FAM234A: variants seen among roughly 807,000 people sequenced by gnomAD.
The protein encoded by FAM234A is protein FAM234A.
Under a neutral mutation model 49.1 loss-of-function variants are expected in FAM234A, and 42 were observed. The observed-to-expected ratio is 0.86, with a 90% CI of 0.67 to 1.11. The LOEUF is 1.11. Ranked by LOEUF, FAM234A falls within the 50% of genes least tolerant of loss-of-function variation. The pLI is 0.00. For missense variants in FAM234A, 815 were observed against 745.2 expected, an observed-to-expected ratio of 1.09 and a Z score of -1.09; for synonymous variants, 369 against 316.2, an observed-to-expected ratio of 1.17 and a Z score of -1.77.
chr16:268,586 A>C, downstream of FAM234A: 2 of 618,186 alleles, frequency 3.2e-6, no homozygotes, highest in Non-Finnish European at 5.7e-6. Flanking sequence ...GGGCCTCGTC[A>C]GTGGGGTGAC....
intron 1 of FAM234A, among the ~76,000 whole-genome samples, chr16:240,694 G>T (rs1450159038): frequency 6.6e-6 from 1 of 151,976 alleles, no homozygotes; most frequent in Non-Finnish European, 1.5e-5. Context: ...TAGAGATGGG[G>T]TTTCACAATG....
chr16:269,447 G>A, downstream of FAM234A: 1 of 1,596,712 alleles, frequency 6.3e-7, no homozygotes, highest in Non-Finnish European at 8.6e-7. Flanking sequence ...CTCACTGCAG[G>A]GCCCCAGCAG....
rs982417288 is a variant in FAM234A, at chr16:263,417, C to G, written c.1112+15C>G. The G allele has an allele frequency of 5.0e-6, 8 of 1,605,838 alleles. No individual in the cohort carries two copies. The highest frequency in any genetic ancestry group is 6.8e-6 in the Non-Finnish European group (8 of 1,179,826). ...CATGTCCTGAGGTACAGGGTTTCCC[C>G]AAGGACCGCGCAGGTGCTGCACCCC... On this transcript the variant is annotated intron_variant, in intron 9 of 12. Transcript: ENST00000399932.
chr16:263,476 C>A, intron 9 of FAM234A, 74 bp downstream of exon 9: 1 of 1,573,512 alleles, frequency 6.4e-7, no homozygotes. Context: ...CGTTGGCTGG[C>A]GAGGAGACAG....
chr16:239,867 G>T (rs1353237790), intron 1 of FAM234A, among the ~76,000 whole-genome samples: 3 of 152,182 alleles, frequency 2.0e-5, no homozygotes, highest in Non-Finnish European at 2.9e-5. Flanking sequence ...AGTGCTGACT[G>T]CATGTGCTGT....
intron 3 of FAM234A, among the ~76,000 whole-genome samples, chr16:258,586 C>A (rs908649250): frequency 6.6e-6 from 1 of 152,236 alleles, no homozygotes; most frequent in Non-Finnish European, 1.5e-5. Context: ...CATCCGATTT[C>A]TCAATCTTTT....
At chr16:268,054 TAC>T (rs768506062), downstream of FAM234A, among the ~76,000 whole-genome samples, 4 of 138,962 alleles carry the variant, frequency 2.9e-5, no homozygotes, top group South Asian at 6.8e-4. Context: ...ACACGGGTGC[TAC>T]ACACAATCAC....
Position 264,078 on chromosome 16 carries a change from T to TG in FAM234A, c.1256dup (p.Pro420SerfsTer63). Reference sequence around the variant, plus strand: ...GTAGCCTAGCCCTCCCGAGCCTCCCTGGGGGTCCACTGTCCGCCAGCCTGC... The same window carrying TG: ...GTAGCCTAGCCCTCCCGAGCCTCCCTGGGGGGTCCACTGTCCGCCAGCCTGC... On this transcript the variant is annotated frameshift_variant, in exon 11 of 13. Transcript: ENST00000399932. LOFTEE classifies it high-confidence loss of function. 6.2e-7 allele frequency: 1 copy of TG among 1,612,854 alleles called. No homozygotes were observed. The highest frequency in any genetic ancestry group is 8.5e-7 in the Non-Finnish European group (1 of 1,179,942).
Position 265,327 on chromosome 16 carries a change from C to T in FAM234A, c.*305C>T, listed in dbSNP as rs2051655828. 2.5e-6 allele frequency: 3 copies of T among 1,184,834 alleles called. No individual in the cohort carries two copies. The highest frequency in any genetic ancestry group is 3.1e-6 in the Non-Finnish European group (3 of 953,576). The allele number at this position is 1,184,834 out of a possible 1,614,324, so 73.4% of individuals were successfully genotyped here. A position where few individuals can be genotyped will look rare whatever the true frequency, so the allele number is the denominator to read the frequency against. ...CCTTCATAGTGGTCTCCCTGGCCACCTTGGGCAGAGCTGGGTCATGCAGCA... is the reference window on the plus strand; with the variant it reads ...CCTTCATAGTGGTCTCCCTGGCCACTTTGGGCAGAGCTGGGTCATGCAGCA... On this transcript the variant is annotated 3_prime_UTR_variant, in exon 13 of 13. Coordinates refer to ENST00000399932, the MANE Select transcript of FAM234A (RefSeq NM_032039.4).
chr16:268,673 A>G (rs2051780910), downstream of FAM234A: 2 of 1,280,898 alleles, frequency 1.6e-6, no homozygotes, highest in Non-Finnish European at 1.1e-6. Context: ...GCACCTGTGG[A>G]CAAATTCTGG....
In FAM234A at chr16:263,258, C is replaced by T. The variant is rs914357374; in HGVS notation, c.972-4C>T. 5 of 1,612,136 alleles carry T rather than the reference C, an allele frequency of 3.1e-6. No individual in the cohort carries two copies. The highest frequency in any genetic ancestry group is 4.2e-6 in the Non-Finnish European group (5 of 1,179,902). On this transcript the variant is annotated splice_region_variant and splice_polypyrimidine_tract_variant and intron_variant, in intron 8 of 12. Transcript: ENST00000399932. Reference sequence around the variant, plus strand: ...GCGCCCCTTTCTCCCACTCTCCTGTCTAGCTCTGGAGCAGTGCGCTACCTG... The same window carrying T: ...GCGCCCCTTTCTCCCACTCTCCTGTTTAGCTCTGGAGCAGTGCGCTACCTG...
At chr16:268,079 T>C (rs1302148059), downstream of FAM234A, among the ~76,000 whole-genome samples, 1 of 143,652 alleles carries the variant, frequency 7.0e-6, no homozygotes, top group Non-Finnish European at 1.5e-5. Flanking sequence ...ATGCTATGCG[T>C]ACACACACTT....
chr16:235,262 T>G (rs1596716718), intron 1 of FAM234A, among the ~76,000 whole-genome samples: 1 of 152,116 alleles, frequency 6.6e-6, no homozygotes, highest in South Asian at 2.1e-4. Flanking sequence ...CCTGAGAGTG[T>G]TTTTTTATGG....
At chr16:268,628 G>A (rs1302526011), downstream of FAM234A, 6 of 721,108 alleles carry the variant, frequency 8.3e-6, no homozygotes, top group Admixed American at 7.2e-5. Flanking sequence ...TCGGGGGGGA[G>A]GCCGCGGCCT....
In FAM234A at chr16:264,934, G is replaced by A. The variant is rs1350469685; in HGVS notation, c.1571G>A (p.Arg524Lys). 6.2e-7 allele frequency: 1 copy of A among 1,613,070 alleles called. No homozygotes were observed. Among genetic ancestry groups the A allele is most frequent in the East Asian group, 2.2e-5 (1 of 44,888 alleles). The change falls in exon 13 of 13, where the codon AGG becomes AAG. Residue 524 changes from arginine to lysine, a missense_variant. Physicochemically the swap from Arg to Lys is conservative, Grantham distance 26. Transcript: ENST00000399932. ...HKVRDLVPSS[R>K]VVRLGEGGPD... is the part of the protein sequence containing the mutation. The stretch of plus-strand genomic sequence containing the variant: ...GTGCGGGACCTTGTCCCAAGCAGCA[G>A]GGTGGTCCGCCTGGGTGAGGGTGGG...
At position 265,529 on chromosome 16, in the gene FAM234A, C is replaced by CT; in HGVS notation, c.*508dup. On this transcript the variant is annotated 3_prime_UTR_variant, in exon 13 of 13. Transcript: ENST00000399932. ...CCAAGGAGTCATGGAACTCAGGGTA[C>CT]TGGGCCTCAACGGGAACCTGAGACA... 2.0e-6 allele frequency: 2 copies of CT among 986,456 alleles called. No individual in the cohort carries two copies. Among genetic ancestry groups the CT allele is most frequent in the Non-Finnish European group, 1.2e-6 (1 of 830,680 alleles). The allele number at this position is 986,456 out of a possible 1,614,324, so 61.1% of individuals were successfully genotyped here.
Position 262,439 on chromosome 16 carries a change from G to T in FAM234A, c.857G>T (p.Gly286Val). 1 of 1,606,300 alleles carries T rather than the reference G, an allele frequency of 6.2e-7. No individual in the cohort carries two copies. Among genetic ancestry groups the T allele is most frequent in the Non-Finnish European group, 8.5e-7 (1 of 1,175,818 alleles). The stretch of plus-strand genomic sequence containing the variant: ...TTTTGAATAGCAAGCTCCCTCTGCG[G>T]CTGCTCTGTGAAGGGTCTCTACGAG... The part of the protein sequence containing the change: ...ILFPCASSLC[G>V]CSVKGLYEKV... The change falls in exon 8 of 13, where the codon GGC becomes GTC. Residue 286 changes from glycine to valine, a missense_variant. Transcript: ENST00000399932.
chr16:242,505 C>T (rs1389840261), intron 1 of FAM234A, among the ~76,000 whole-genome samples: 2 of 151,906 alleles, frequency 1.3e-5, no homozygotes, highest in African/African-American at 2.4e-5. Context: ...CGAGTCACCG[C>T]GGGCTTACTG....
downstream of FAM234A, chr16:269,415 G>T: frequency 6.3e-7 from 1 of 1,591,286 alleles, no homozygotes. Context: ...AGAACAGGCT[G>T]GCCAGCTGGT....
Sources: gnomAD v4.1 joint callset for allele counts (sites outside exome capture counted in the v4.1 genomes callset) on GRCh38, gnomAD v4.1.1 for gene constraint, MANE v1.5 for transcripts, NCBI Gene and HGNC (gene_info 2026-07-23, HGNC 2026-07-21) for gene names.